The following RBFOX1 variants were observed in gnomAD, a reference collection of about 807,000 sequenced individuals.
RBFOX1 encodes RNA binding fox-1 homolog 1.
A neutral mutation model predicts 57.7 loss-of-function variants in RBFOX1; 8 were observed. The ratio of observed to expected loss-of-function variants is 0.14; its 90% CI spans 0.08 to 0.25. RBFOX1 has a LOEUF of 0.25. Among genes scored for constraint, RBFOX1 ranks in the 10% least tolerant of loss-of-function variants. The pLI is 1.00. For synonymous variants in RBFOX1, 326 were observed against 222.4 expected (o/e 1.47, Z -4.15); for missense variants, 611 against 548.5 (o/e 1.11, Z -1.14).
At chr16:5,755,905 C>A (rs1409096366) in intron 3 of RBFOX1, among the ~76,000 whole-genome samples, 4 of 152,036 alleles carry the variant, frequency 2.6e-5, no homozygotes, top group Non-Finnish European at 5.9e-5. Flanking sequence ...GCCTCTAATT[C>A]CTTTTGGAGC....
intron 3 of RBFOX1, among the ~76,000 whole-genome samples, chr16:6,974,157 T>G (rs1598824741): frequency 6.6e-6 from 1 of 152,214 alleles, no homozygotes; most frequent in South Asian, 2.1e-4. Flanking sequence ...TGTACCACAT[T>G]TTTTTATTAA....
intron 3 of RBFOX1, among the ~76,000 whole-genome samples, chr16:6,763,083 C>T (rs187162522): frequency 3.3e-5 from 5 of 152,226 alleles, no homozygotes; most frequent in Non-Finnish European, 5.9e-5. Flanking sequence ...GACTGTATTA[C>T]GAGAACTTAT....
chr16:5,809,538 G>T (rs992816356), intron 3 of RBFOX1, among the ~76,000 whole-genome samples: 1 of 152,116 alleles, frequency 6.6e-6, no homozygotes, highest in African/African-American at 2.4e-5. Context: ...CTTCTCAAAA[G>T]AAGACATTTA....
chr16:6,603,944 G>C (rs2097890053), intron 2 of RBFOX1, among the ~76,000 whole-genome samples: 1 of 144,262 alleles, frequency 6.9e-6, no homozygotes, highest in South Asian at 2.4e-4. Context: ...AGTGAAGTTG[G>C]TTTGTGGCTT....
chr16:6,587,849 G>C (rs181912412), intron 2 of RBFOX1, among the ~76,000 whole-genome samples: 12 of 152,152 alleles, frequency 7.9e-5, no homozygotes, highest in African/African-American at 2.9e-4. Context: ...TCTACCCTCC[G>C]TCTTCCCATA....
At chr16:7,128,012 T>A (rs2069069680) in intron 4 of RBFOX1, among the ~76,000 whole-genome samples, 1 of 152,204 alleles carries the variant, frequency 6.6e-6, no homozygotes, top group African/African-American at 2.4e-5. Flanking sequence ...TCTGGTTCTT[T>A]GCTGTTTCTT....
At chr16:5,930,978 A>T (rs1230713124) in intron 4 of RBFOX1, among the ~76,000 whole-genome samples, 2 of 147,246 alleles carry the variant, frequency 1.4e-5, no homozygotes, top group African/African-American at 2.5e-5. Context: ...GGATGCATGG[A>T]TGGATGCATG....
intron 2 of RBFOX1, among the ~76,000 whole-genome samples, chr16:6,533,271 A>G (rs541219946): frequency 7.2e-5 from 11 of 152,342 alleles, no homozygotes; most frequent in Non-Finnish European, 1.2e-4. Context: ...ACCTATGCAC[A>G]TGATAATTTG....
At chr16:7,595,758 TTA>T (rs376848132) in intron 8 of RBFOX1, 117 bp downstream of exon 8, 3,050 of 385,130 alleles carry the variant, frequency 7.9e-3, no homozygotes, top group East Asian at 0.01. Context: ...CCCTCATTGT[TTA>T]TATATATATA....
intron 2 of RBFOX1, among the ~76,000 whole-genome samples, chr16:5,570,261 A>G (rs1351095618): frequency 1.3e-5 from 2 of 152,056 alleles, no homozygotes; most frequent in Non-Finnish European, 2.9e-5. Flanking sequence ...ACTGGAAGGT[A>G]TGGGTTCAAA....
intron 4 of RBFOX1, among the ~76,000 whole-genome samples, chr16:5,887,651 G>A (rs908461283): frequency 1.1e-4 from 16 of 151,998 alleles, no homozygotes; most frequent in African/African-American, 2.7e-4. Context: ...TGATCCACCC[G>A]CCTCAGCCTC....
chr16:7,692,022 C>G (rs1194513930), intron 14 of RBFOX1, among the ~76,000 whole-genome samples: 1 of 152,026 alleles, frequency 6.6e-6, no homozygotes, highest in African/African-American at 2.4e-5. Flanking sequence ...GTGAGTAAGT[C>G]AAATATTCAA....
rs190760782 is a variant in RBFOX1 at position 6,865,292 on chromosome 16, C to T, written c.-15-186765C>T. ...TACTGGGATTACAGACGTGAGCCAC[C>T]GTGCCCGACCTGGAGTGGGTTTTTT... is the stretch of plus-strand genomic sequence containing the variant. On this transcript the variant is annotated intron_variant, in intron 3 of 15. Transcript: ENST00000550418. Among the ~76,000 whole-genome samples the T allele has an allele frequency of 3.9e-3, 596 of 151,636 alleles. 3 individuals are homozygous for T. The highest frequency in any genetic ancestry group is 9.3e-3 in the East Asian group (48 of 5,146).
intron 3 of RBFOX1, among the ~76,000 whole-genome samples, chr16:6,881,372 T>C (rs1167618986): frequency 6.6e-6 from 1 of 152,156 alleles, no homozygotes; most frequent in African/African-American, 2.4e-5. Context: ...AAACAGTTAC[T>C]CTCACAGTTC....
At chr16:6,973,685 C>G (rs887860448) in intron 3 of RBFOX1, among the ~76,000 whole-genome samples, 1 of 152,030 alleles carries the variant, frequency 6.6e-6, no homozygotes, top group Non-Finnish European at 1.5e-5. Context: ...TGGGATTTTT[C>G]GAGTAAAGTG....
At chr16:6,921,266 A>G (rs746540497) in intron 3 of RBFOX1, among the ~76,000 whole-genome samples, 16 of 152,286 alleles carry the variant, frequency 1.1e-4, no homozygotes, top group South Asian at 1.0e-3. Context: ...CACAATGTCT[A>G]TGGGTTAAAA....
intron 3 of RBFOX1, among the ~76,000 whole-genome samples, chr16:6,712,011 C>G (rs577733789): frequency 6.6e-6 from 1 of 152,290 alleles, no homozygotes; most frequent in South Asian, 2.1e-4. Context: ...TTATCTCGCT[C>G]TCTTTCTCTG....
rs184117225 is a variant in RBFOX1 at position 7,533,863 on chromosome 16, G to C, written c.270+15474G>C. Reference sequence around the variant, plus strand: ...CAGTCAAAGAATGAGTTTCTCAGTTGTTATTATTAATAGAGCAAGTAATAA... The same window carrying C: ...CAGTCAAAGAATGAGTTTCTCAGTTCTTATTATTAATAGAGCAAGTAATAA... On this transcript the variant is annotated intron_variant, in intron 5 of 15. Coordinates refer to ENST00000550418, the MANE Select transcript of RBFOX1 (RefSeq NM_018723.4). 9.3e-4 allele frequency among the ~76,000 whole-genome samples: 141 copies of C among 152,192 alleles called. 1 individual carries two copies. The highest frequency in any genetic ancestry group is 2.9e-3 in the African/African-American group (121 of 41,536).
chr16:7,164,196 A>T (rs1468338200), intron 4 of RBFOX1, among the ~76,000 whole-genome samples: 1 of 152,040 alleles, frequency 6.6e-6, no homozygotes. Context: ...GCCCCCACAT[A>T]TGAGTGAGAA....
Sources: allele counts gnomAD v4.1 joint callset (sites outside exome capture counted in the v4.1 genomes callset), GRCh38; gene constraint gnomAD v4.1.1; transcripts MANE v1.5; gene names NCBI Gene and HGNC (gene_info 2026-07-23, HGNC 2026-07-21).